Variants in ALDH1L2 observed in about 807,000 individuals in gnomAD.
The protein encoded by ALDH1L2 is mitochondrial 10-formyltetrahydrofolate dehydrogenase.
A neutral mutation model predicts 111.0 loss-of-function variants in ALDH1L2; 91 were observed. The observed-to-expected ratio is 0.82, with a 90% CI of 0.69 to 0.98. The LOEUF (loss-of-function observed/expected upper bound fraction) is 0.98, where lower values mean the gene tolerates loss of function less well. ALDH1L2 is among the 50% of genes least tolerant of loss of function. The pLI is 0.00. For missense variants in ALDH1L2, 995 were observed against 1,126.8 expected (o/e 0.88, Z 1.67); for synonymous variants, 374 against 392.6 (o/e 0.95, Z 0.56).
chr12:105,062,641 A>G (rs995371626), intron 7 of ALDH1L2, among the ~76,000 whole-genome samples: 9 of 152,228 alleles, frequency 5.9e-5, no homozygotes, highest in African/African-American at 2.2e-4. Context: ...CATCCTGCCC[A>G]AGACCAGCGA....
intron 1 of ALDH1L2, among the ~76,000 whole-genome samples, chr12:105,078,949 C>T (rs963799967): frequency 2.6e-5 from 4 of 152,080 alleles, no homozygotes; most frequent in Non-Finnish European, 5.9e-5. Context: ...CAAGCGACAC[C>T]GTAGCAAGAG....
rs1489561386 is a variant in ALDH1L2 at position 105,073,986 on chromosome 12, A to T, written c.68T>A (p.Leu23Gln). Residue 23 changes from leucine to glutamine, a missense_variant, in exon 2 of 23, where the codon CTG becomes CAG. Coordinates refer to ENST00000258494, the MANE Select transcript of ALDH1L2 (RefSeq NM_001034173.4). ...STGRVYFKNK[L>Q]KLALIGQSLF... ...GCTCTGGCCAATTAGTGCCAACTTC[A>T]GCTTGTTTTTGAAATAAACCTGTGA... 1.9e-6 allele frequency: 3 copies of T among 1,614,186 alleles called. No individual in the cohort carries two copies. The highest frequency in any genetic ancestry group is 2.5e-6 in the Non-Finnish European group (3 of 1,180,030).
intron 5 of ALDH1L2, 69 bp from the exon 6 acceptor site, chr12:105,065,425 T>C: frequency 7.6e-7 from 1 of 1,308,560 alleles, no homozygotes; most frequent in Admixed American, 1.8e-5. Flanking sequence ...AAAACGCTTC[T>C]CGTCATCAGA....
intron 21 of ALDH1L2, among the ~76,000 whole-genome samples, chr12:105,029,769 T>C (rs1231064350): frequency 6.6e-6 from 1 of 152,188 alleles, no homozygotes; most frequent in Non-Finnish European, 1.5e-5. Context: ...GAGACCCCAT[T>C]CTATTAAGTA....
At chr12:105,074,748 A>G (rs1418605206) in intron 1 of ALDH1L2, among the ~76,000 whole-genome samples, 1 of 152,178 alleles carries the variant, frequency 6.6e-6, no homozygotes, top group African/African-American at 2.4e-5. Context: ...CTTATTTCCC[A>G]CTTTATTAGA....
At chr12:105,051,779 T>G (rs1301164615) in intron 12 of ALDH1L2, among the ~76,000 whole-genome samples, 1 of 98,232 alleles carries the variant, frequency 1.0e-5, no homozygotes, top group Non-Finnish European at 2.3e-5. Flanking sequence ...TTTGTTTTGC[T>G]TCTTTTTTTT....
intron 22 of ALDH1L2, among the ~76,000 whole-genome samples, 189 bp from the exon 23 acceptor site, chr12:105,024,668 T>A (rs1874329019): frequency 6.6e-6 from 1 of 152,212 alleles, no homozygotes; most frequent in Non-Finnish European, 1.5e-5. Context: ...CAGATCCTGA[T>A]CTGATTAAGT....
intron 9 of ALDH1L2, chr12:105,060,685 G>A (rs192465004): frequency 3.8e-4 from 80 of 209,430 alleles, no homozygotes; most frequent in Non-Finnish European, 6.9e-4. Context: ...TTAGCTGGGC[G>A]TGGTGGCGCA....
chr12:105,034,771 G>T (rs11112321), intron 18 of ALDH1L2, among the ~76,000 whole-genome samples: 7 of 152,114 alleles, frequency 4.6e-5, no homozygotes, highest in Middle Eastern at 3.4e-3. Flanking sequence ...AGATCACAAG[G>T]TCAGGAGTTC....
intron 20 of ALDH1L2, among the ~76,000 whole-genome samples, chr12:105,030,908 T>C (rs891442532): frequency 6.6e-5 from 10 of 152,334 alleles, no homozygotes; most frequent in African/African-American, 2.4e-4. Context: ...GTTTGTTTGA[T>C]TTAGGATTCA....
At chr12:105,065,182 A>G (rs1007559088) in intron 6 of ALDH1L2, 85 bp downstream of exon 6, 7 of 851,232 alleles carry the variant, frequency 8.2e-6, no homozygotes, top group Non-Finnish European at 1.3e-5. Flanking sequence ...AGGAAGAACC[A>G]TGGGAAGCCC....
chr12:105,051,054 T>TTAC (rs1321453725), intron 12 of ALDH1L2, among the ~76,000 whole-genome samples: 1 of 152,238 alleles, frequency 6.6e-6, no homozygotes, highest in East Asian at 1.9e-4. Flanking sequence ...GCATCCTTCA[T>TTAC]TACTGATTTA....
chr12:105,039,191 A>G (rs1318837098), intron 17 of ALDH1L2, among the ~76,000 whole-genome samples: 2 of 152,112 alleles, frequency 1.3e-5, no homozygotes, highest in East Asian at 3.8e-4. Flanking sequence ...TTTTATTTCC[A>G]TTTATTATTT....
intron 1 of ALDH1L2, among the ~76,000 whole-genome samples, chr12:105,082,934 CT>C (rs1878397030): frequency 6.6e-6 from 1 of 152,202 alleles, no homozygotes; most frequent in African/African-American, 2.4e-5. Flanking sequence ...CTTTCGACCA[CT>C]GAGGAAACTG....
rs180803200 is a variant in ALDH1L2 at position 105,063,303 on chromosome 12, C to G, written c.787-281G>C. Reference sequence around the variant, plus strand: ...CATCTTGGCTAACACGGTGAAACCCCGTCTCTACTAAAAATACAAAAAATT... The same window carrying G: ...CATCTTGGCTAACACGGTGAAACCCGGTCTCTACTAAAAATACAAAAAATT... On this transcript the variant is annotated intron_variant, in intron 6 of 22. Transcript: ENST00000258494. Among the ~76,000 whole-genome samples the G allele has an allele frequency of 1.4e-3, 215 of 152,070 alleles. 1 individual carries two copies. The highest frequency in any genetic ancestry group is 6.0e-3 in the Admixed American group (92 of 15,266).
intron 22 of ALDH1L2, among the ~76,000 whole-genome samples, chr12:105,025,741 A>G (rs1874377584): frequency 6.6e-6 from 1 of 152,256 alleles, no homozygotes; most frequent in South Asian, 2.1e-4. Context: ...AGTTTTTGAA[A>G]CAACGTACCA....
Position 105,052,090 on chromosome 12 carries a change from C to T in ALDH1L2, c.1535G>A (p.Arg512Lys). The T allele has an allele frequency of 6.3e-7, 1 of 1,597,568 alleles. No homozygotes were observed. Among genetic ancestry groups the T allele is most frequent in the Non-Finnish European group, 8.5e-7 (1 of 1,173,848 alleles). The change falls in exon 12 of 23, where the codon AGA (arginine) becomes AAA (lysine). Residue 512 changes from arginine (R) to lysine (K), a missense_variant and splice_region_variant. By Grantham distance (26) the Arg-to-Lys change is conservative. Coordinates refer to ENST00000258494, the MANE Select transcript of ALDH1L2 (RefSeq NM_001034173.4). ...ATAAAAAAATAAAAAATAGAAATACCTATACATCAATCTTCCTCTTTCTCT... is the reference window on the plus strand; with the variant it reads ...ATAAAAAAATAAAAAATAGAAATACTTATACATCAATCTTCCTCTTTCTCT... ...NARERGRLMY[R>K]LADLLEENQE...
At chr12:105,031,047 A>T (rs7303076) in intron 20 of ALDH1L2, among the ~76,000 whole-genome samples, 4,154 of 152,180 alleles carry the variant, frequency 0.027, 186 homozygotes, top group African/African-American at 0.094. Flanking sequence ...TCAGTTGTTT[A>T]TACATTATCT....
intron 1 of ALDH1L2, among the ~76,000 whole-genome samples, chr12:105,076,238 A>T (rs951377461): frequency 6.6e-6 from 1 of 152,348 alleles, no homozygotes; most frequent in Non-Finnish European, 1.5e-5. Context: ...TCAGAAGTAC[A>T]TGGAAGTCTG....
Sources: gnomAD v4.1 joint callset for allele counts (sites outside exome capture counted in the v4.1 genomes callset) on GRCh38, gnomAD v4.1.1 for gene constraint, MANE v1.5 for transcripts, NCBI Gene and HGNC (gene_info 2026-07-23, HGNC 2026-07-21) for gene names.